GGT5: variants seen among roughly 807,000 people sequenced by gnomAD.
GGT5 encodes the protein glutathione hydrolase 5 proenzyme.
In GGT5, 50 loss-of-function variants were observed where a neutral mutation model predicts 58.1. That is an observed-to-expected ratio of 0.86 (90% confidence interval 0.69 to 1.09). GGT5 has a LOEUF of 1.09. Among genes scored for constraint, GGT5 ranks in the 50% least tolerant of loss-of-function variants. GGT5 has a pLI of 0.00. For missense variants in GGT5, 800 were observed against 789.4 expected (o/e 1.01, Z -0.16); for synonymous variants, 370 against 346.1 (o/e 1.07, Z -0.77).
chr22:24,231,982 A>G, intron 5 of GGT5, 69 bp downstream of exon 5: 1 of 1,357,782 alleles, frequency 7.4e-7, no homozygotes. Flanking sequence ...GCCTGCCCTC[A>G]ACCCCCAGTG....
chr22:24,223,312 A>G (rs1170432897), intron 11 of GGT5, among the ~76,000 whole-genome samples: 2 of 151,914 alleles, frequency 1.3e-5, no homozygotes, highest in African/African-American at 4.8e-5. Context: ...GAGGCAGGAG[A>G]ATTGCTTGAA....
intron 1 of GGT5, among the ~76,000 whole-genome samples, chr22:24,235,184 G>A (rs537002263): frequency 4.0e-5 from 6 of 150,380 alleles, no homozygotes; most frequent in African/African-American, 1.5e-4. Flanking sequence ...TCAGCCTGCC[G>A]AGTAGCTGGG....
rs767011018 is a variant in GGT5 at position 24,225,382 on chromosome 22, C to T, written c.1366G>A (p.Gly456Arg). ...CCTGGAACTGGGGGCCAGCACCTTC[C>T]GGGAGCTCCACCCACCCTGTCTCCA... ...VSGDRVGGAPGRCWPPVPGER... is the reference protein window; with the variant it reads ...VSGDRVGGAPRRCWPPVPGER... Residue 456 changes from glycine to arginine, a missense_variant, in exon 10 of 12, where the codon GGA becomes AGA. By Grantham distance (125) the Gly-to-Arg change is moderately radical (BLOSUM62 -2). Coordinates refer to ENST00000327365, the MANE Select transcript of GGT5 (RefSeq NM_004121.5). 3.1e-6 allele frequency: 5 copies of T among 1,608,630 alleles called. No individual in the cohort carries two copies. Among genetic ancestry groups the T allele is most frequent in the Middle Eastern group, 1.7e-4 (1 of 6,028 alleles).
At position 24,244,109 on chromosome 22, in the gene GGT5, C is replaced by T. The variant is rs185909439; in HGVS notation, c.173+444G>A. On this transcript the variant is annotated intron_variant, in intron 1 of 11. Transcript: ENST00000327365. ...TTCCCACCTGGGATATGCAAATGGG[C>T]CTCCTGAATCCTGGAGCCAGGCGTG... 2.4e-3 allele frequency: 395 copies of T among 163,996 alleles called. 2 individuals carry two copies. The highest frequency in any genetic ancestry group is 4.5e-4 in the Non-Finnish European group (34 of 75,200). 10.2% of individuals were successfully genotyped at this position (163,996 alleles called of 1,614,324 possible). A position where few individuals can be genotyped will look rare whatever the true frequency, so the allele number is the denominator to read the frequency against.
intron 1 of GGT5, chr22:24,241,174 A>AG (rs1033151344): frequency 1.3e-5 from 2 of 152,100 alleles, no homozygotes; most frequent in African/African-American, 4.8e-5. Flanking sequence ...AAAAAAAAAA[A>AG]AAAACACGAG....
rs572548068 is a variant in GGT5, at chr22:24,244,297, A to G, written c.173+256T>C. 2,115 of 293,688 alleles carry G rather than the reference A, an allele frequency of 7.2e-3. 37 individuals are homozygous for G. The highest frequency in any genetic ancestry group is 0.054 in the African/African-American group (1,947 of 35,850). 18.2% of individuals were successfully genotyped at this position (293,688 alleles called of 1,614,324 possible). The stretch of plus-strand genomic sequence containing the variant: ...CTGCTTCCTGGGCCAGTGCACGTGC[A>G]CACACACACACACACACACCCACCC... On this transcript the variant is annotated intron_variant, in intron 1 of 11. Transcript: ENST00000327365.
intron 1 of GGT5, chr22:24,243,618 G>C (rs1216752800): frequency 6.6e-6 from 1 of 152,398 alleles, no homozygotes; most frequent in Non-Finnish European, 1.5e-5. Flanking sequence ...CTGGCAGGGA[G>C]GGGAGGCTTG....
chr22:24,228,152 G>A lies in GGT5; in HGVS notation c.902-1385C>T, dbSNP rs180816705. Reference sequence around the variant, plus strand: ...TCTCGTGCACAAGTGCCCCGTTCTCGGCTGGGTGCAGTGGCTCATGCCTGT... The same window carrying A: ...TCTCGTGCACAAGTGCCCCGTTCTCAGCTGGGTGCAGTGGCTCATGCCTGT... On this transcript the variant is annotated intron_variant, in intron 6 of 11. Transcript: ENST00000327365. Among the ~76,000 whole-genome samples the A allele has an allele frequency of 9.5e-4, 144 of 150,840 alleles. 1 individual carries two copies. Among genetic ancestry groups the A allele is most frequent in the Middle Eastern group, 3.5e-3 (1 of 282 alleles).
At chr22:24,221,861 C>T (rs2047598864) in intron 11 of GGT5, among the ~76,000 whole-genome samples, 1 of 151,972 alleles carries the variant, frequency 6.6e-6, no homozygotes, top group Non-Finnish European at 1.5e-5. Context: ...TTGGCTTCCC[C>T]CAACCCGCCA....
chr22:24,244,452 A>C, intron 1 of GGT5, 101 bp downstream of exon 1: 1 of 999,906 alleles, frequency 1.0e-6, no homozygotes. Flanking sequence ...TCACACACAC[A>C]CCCACACATA....
chr22:24,231,927 C>A, intron 5 of GGT5, 124 bp downstream of exon 5: 1 of 790,870 alleles, frequency 1.3e-6, no homozygotes, highest in Admixed American at 2.3e-5. Flanking sequence ...CATGGCCTCT[C>A]GGGGTCCCGG....
At chr22:24,234,349 G>C (rs1046462086) in intron 1 of GGT5, among the ~76,000 whole-genome samples, 1 of 152,186 alleles carries the variant, frequency 6.6e-6, no homozygotes, top group East Asian at 1.9e-4. Flanking sequence ...GTCCCTCACA[G>C]TGGCCTCAGG....
chr22:24,229,054 A>C (rs1216380602), intron 6 of GGT5, among the ~76,000 whole-genome samples: 2 of 150,982 alleles, frequency 1.3e-5, no homozygotes, highest in Non-Finnish European at 3.0e-5. Flanking sequence ...GCGCAATTGC[A>C]CTCCACTCCA....
chr22:24,221,133 C>T (rs6004103), intron 11 of GGT5, among the ~76,000 whole-genome samples: 46,653 of 150,996 alleles, frequency 0.31, 8,572 homozygotes, highest in African/African-American at 0.53. Flanking sequence ...GTTGTCCTTG[C>T]TCATTCCTGG....
At chr22:24,243,841 G>A (rs1213711778) in intron 1 of GGT5, 2 of 152,250 alleles carry the variant, frequency 1.3e-5, no homozygotes, top group African/African-American at 4.8e-5. Context: ...GACTCAGGGA[G>A]AGAGGATGTG....
intron 6 of GGT5, among the ~76,000 whole-genome samples, chr22:24,228,987 G>C (rs1224193871): frequency 6.6e-6 from 1 of 152,026 alleles, no homozygotes; most frequent in Non-Finnish European, 1.5e-5. Flanking sequence ...CTACTCGGGA[G>C]GCTGAGGCAG....
At chr22:24,222,889 A>G (rs1054080118) in intron 11 of GGT5, among the ~76,000 whole-genome samples, 1 of 151,196 alleles carries the variant, frequency 6.6e-6, no homozygotes, top group African/African-American at 2.4e-5. Context: ...CATCCTGGCT[A>G]ACACGGTGAA....
Position 24,220,070 on chromosome 22 carries a change from C to G in GGT5, c.1661G>C (p.Arg554Thr). 2 of 1,614,198 alleles carry G rather than the reference C, an allele frequency of 1.2e-6. No homozygotes were observed. Among genetic ancestry groups the G allele is most frequent in the Non-Finnish European group, 1.7e-6 (2 of 1,180,014 alleles). Residue 554 changes from arginine (R) to threonine (T), a missense_variant, in exon 12 of 12, where the codon AGG becomes ACG. Physicochemically the swap from Arg to Thr is moderately conservative, Grantham distance 71. Coordinates refer to ENST00000327365, the MANE Select transcript of GGT5 (RefSeq NM_004121.5). ...CTGGACCACGTTCAGGAAGAAGGGC[C>G]TCTGGGTCTGGTTCTGGCCACGGTC... ...LQDRGQNQTQ[R>T]PFFLNVVQAV...
At position 24,223,728 on chromosome 22, in the gene GGT5, G is replaced by C. The variant is rs184715781; in HGVS notation, c.1614+1268C>G. Among the ~76,000 whole-genome samples, 279 of 149,446 alleles carry C rather than the reference G, an allele frequency of 1.9e-3. 2 individuals are homozygous for C. Among genetic ancestry groups the C allele is most frequent in the African/African-American group, 6.5e-3 (266 of 40,684 alleles). ...TCATAACAGGAGAGGCAGCTTTGACGATCTGGAACCTCAGCTGCTATCAAT... is the reference window on the plus strand; with the variant it reads ...TCATAACAGGAGAGGCAGCTTTGACCATCTGGAACCTCAGCTGCTATCAAT... On this transcript the variant is annotated intron_variant, in intron 11 of 11. Coordinates refer to ENST00000327365, the MANE Select transcript of GGT5 (RefSeq NM_004121.5).
Sources: gnomAD v4.1 joint callset for allele counts (sites outside exome capture counted in the v4.1 genomes callset) on GRCh38, gnomAD v4.1.1 for gene constraint, MANE v1.5 for transcripts, NCBI Gene and HGNC (gene_info 2026-07-23, HGNC 2026-07-21) for gene names.